Variants in KCNK12 observed in about 807,000 individuals in gnomAD.
KCNK12 encodes the protein potassium channel subfamily K member 12.
KCNK12 carries 6 observed loss-of-function variants against 25.3 expected under a neutral mutation model. That is an observed-to-expected ratio of 0.24 (90% CI 0.13 to 0.47). The LOEUF (loss-of-function observed/expected upper bound fraction) is 0.47. Ranked by LOEUF, KCNK12 falls within the 20% of genes least tolerant of loss-of-function variation. The probability of loss-of-function intolerance (pLI) is 0.99; values close to 1 mark genes in which losing one functional copy is unlikely to be tolerated. For missense variants in KCNK12, 444 were observed against 661.7 expected (o/e 0.67, Z 3.61); for synonymous variants, 331 against 311.1 (o/e 1.06, Z -0.67).
In KCNK12 at chr2:47,512,367, G is replaced by T. The variant is rs760339460; in HGVS notation, c.*8540C>A. ...TTGCTGACATGGAAAAGGAAACTTC[G>T]TGGGGGAAAGAGATCTGCTTGCAGT... On this transcript the variant is annotated 3_prime_UTR_variant, in exon 2 of 2. Transcript: ENST00000327876. 2.0e-5 allele frequency: 33 copies of T among 1,612,128 alleles called. No individual in the cohort carries two copies. The highest frequency in any genetic ancestry group is 8.9e-5 in the East Asian group (4 of 44,884).
chr2:47,517,785 T>A lies in KCNK12; in HGVS notation c.*3122A>T, dbSNP rs1668559930. The A allele has an allele frequency of 6.6e-6, 1 of 152,156 alleles. No individual in the cohort carries two copies. The highest frequency in any genetic ancestry group is 2.4e-5 in the African/African-American group (1 of 41,416). The allele number at this position is 152,156 out of a possible 1,614,324, so 9.4% of individuals were successfully genotyped here. On this transcript the variant is annotated 3_prime_UTR_variant, in exon 2 of 2. Coordinates refer to ENST00000327876, the MANE Select transcript of KCNK12 (RefSeq NM_022055.2). The surrounding 1 kb of genome is among the most constrained non-coding windows in gnomAD (Gnocchi z 4.1). ...GGACACCCAGGGTGGCTTCTTTACCTTTCTCCTCAGCTCTGAGAAGGCTGC... is the reference window on the plus strand; with the variant it reads ...GGACACCCAGGGTGGCTTCTTTACCATTCTCCTCAGCTCTGAGAAGGCTGC...
At position 47,562,267 on chromosome 2, in the gene KCNK12, A is replaced by G. The variant is rs1334476331; in HGVS notation, c.391+7674T>C. 5.0e-6 allele frequency: 2 copies of G among 396,910 alleles called. No homozygotes were observed. The highest frequency in any genetic ancestry group is 2.1e-5 in the African/African-American group (1 of 48,736). The allele number at this position is 396,910 out of a possible 1,614,324, so 24.6% of individuals were successfully genotyped here. A position where few individuals can be genotyped will look rare whatever the true frequency, so the allele number is the denominator to read the frequency against. ...CTATCCTACCTTCCTGGTCTGTAACATCTGTTGCTGTTGAGTATAAAGACA... is the reference window on the plus strand; with the variant it reads ...CTATCCTACCTTCCTGGTCTGTAACGTCTGTTGCTGTTGAGTATAAAGACA... On this transcript the variant is annotated intron_variant, in intron 1 of 1. Transcript: ENST00000327876. This position sits in a 1 kb window ranked among gnomAD's most constrained non-coding sequence, Gnocchi z 4.8.
chr2:47,535,021 G>A (rs1669031916), intron 1 of KCNK12: 1 of 227,736 alleles, frequency 4.4e-6, no homozygotes, highest in African/African-American at 2.2e-5. Flanking sequence ...AGCCACATCT[G>A]GGGGCGCTCA....
intron 1 of KCNK12, among the ~76,000 whole-genome samples, chr2:47,536,878 G>A (rs1048293138): frequency 5.9e-5 from 9 of 152,262 alleles, no homozygotes; most frequent in African/African-American, 2.2e-4. Context: ...AGGCCAAGCT[G>A]TGATTGGCCA....
rs1207179056 is a variant in KCNK12, at chr2:47,513,832, G to A, written c.*7075C>T. Among the ~76,000 whole-genome samples the A allele has an allele frequency of 6.6e-6, 1 of 152,072 alleles. No homozygotes were observed. Among genetic ancestry groups the A allele is most frequent in the African/African-American group, 2.4e-5 (1 of 41,382 alleles). ...CCCATCCAGGCAAATCATTGATTCT[G>A]TGGACCTACTCTTTCGGGTGTCCCT... On this transcript the variant is annotated 3_prime_UTR_variant, in exon 2 of 2. Coordinates refer to ENST00000327876, the MANE Select transcript of KCNK12 (RefSeq NM_022055.2).
Position 47,565,356 on chromosome 2 carries a change from G to A in KCNK12, c.391+4585C>T, listed in dbSNP as rs1370371617. ...CTTAGTTTCCTTTGTAGCAAAAAGA[G>A]TTTTAAAAATCCATGTTGAAAAAGA... On this transcript the variant is annotated intron_variant, in intron 1 of 1. Coordinates refer to ENST00000327876, the MANE Select transcript of KCNK12 (RefSeq NM_022055.2). This position sits in a 1 kb window ranked among gnomAD's most constrained non-coding sequence, Gnocchi z 5.0. 6.6e-6 allele frequency: 1 copy of A among 152,160 alleles called. No individual in the cohort carries two copies. Among genetic ancestry groups the A allele is most frequent in the African/African-American group, 2.4e-5 (1 of 41,436 alleles). The allele number at this position is 152,160 out of a possible 1,614,324, so 9.4% of individuals were successfully genotyped here. A position where few individuals can be genotyped will look rare whatever the true frequency, so the allele number is the denominator to read the frequency against.
In KCNK12 at chr2:47,519,465, T is replaced by C. The variant is rs1029839957; in HGVS notation, c.*1442A>G. 18 of 152,166 alleles carry C rather than the reference T, an allele frequency of 1.2e-4. No individual in the cohort carries two copies. The highest frequency in any genetic ancestry group is 4.1e-4 in the African/African-American group (17 of 41,414). 9.4% of individuals were successfully genotyped at this position (152,166 alleles called of 1,614,324 possible). A position where few individuals can be genotyped will look rare whatever the true frequency, so the allele number is the denominator to read the frequency against. On this transcript the variant is annotated 3_prime_UTR_variant, in exon 2 of 2. Transcript: ENST00000327876. ...GTGCCTGTATAAACTCTGGCACCTG[T>C]CCTTGCCCTCATCATATATGAGAAA...
In KCNK12 at chr2:47,521,725, G is replaced by A. The variant is rs777701419; in HGVS notation, c.475C>T (p.Leu159=). The change falls in exon 2 of 2, where the codon CTG becomes TTG. Residue 159 remains leucine (L), a synonymous_variant. Transcript: ENST00000327876. ...CGCTCCAGGAAGAGGTTGAAGAACA[G>A]GATGGTCCCAGCGCAGCCGAACAGC... is the stretch of plus-strand genomic sequence containing the variant. ...YGLFGCAGTI[L]FFNLFLERII... 3 of 1,595,106 alleles carry A rather than the reference G, an allele frequency of 1.9e-6. No individual in the cohort carries two copies. The Admixed American group carries it at 5.4e-5, about 29-fold the overall frequency.
intron 1 of KCNK12, among the ~76,000 whole-genome samples, chr2:47,558,356 C>A (rs535760113): frequency 6.6e-6 from 1 of 152,360 alleles, no homozygotes; most frequent in African/African-American, 2.4e-5. Flanking sequence ...TCTGCACTGA[C>A]ACAGGCAAGG....
At position 47,533,192 on chromosome 2, in the gene KCNK12, G is replaced by A. The variant is rs1453971757; in HGVS notation, c.392-11384C>T. On this transcript the variant is annotated intron_variant, in intron 1 of 1. Coordinates refer to ENST00000327876, the MANE Select transcript of KCNK12 (RefSeq NM_022055.2). The surrounding 1 kb of genome is among the most constrained non-coding windows in gnomAD (Gnocchi z 4.7). ...CATCTGGCTAATTTTTGTATTTTTA[G>A]TAGAGACGGGGTTTTACCATGTTGG... Among the ~76,000 whole-genome samples the A allele has an allele frequency of 1.4e-5, 2 of 144,850 alleles. No homozygotes were observed. The highest frequency in any genetic ancestry group is 4.3e-4 in the East Asian group (2 of 4,674).
chr2:47,513,669 A>G lies in KCNK12; in HGVS notation c.*7238T>C, dbSNP rs376181893. ...TTATCTCATGGGTCCCTGAAGTCCA[A>G]CTTCTCCTTCATTGAACTCATCACC... On this transcript the variant is annotated 3_prime_UTR_variant, in exon 2 of 2. Transcript: ENST00000327876. Among the ~76,000 whole-genome samples the G allele has an allele frequency of 2.0e-5, 3 of 151,790 alleles. No individual in the cohort carries two copies. Among genetic ancestry groups the G allele is most frequent in the East Asian group, 3.9e-4 (2 of 5,164 alleles).
rs1669684858 is a variant in KCNK12, at chr2:47,562,085, C to T, written c.391+7856G>A. ...CTGACTCACCGCTGTTCTCTCTACC[C>T]TAGCGACTCCAAGTGCATCAGCATA... On this transcript the variant is annotated intron_variant, in intron 1 of 1. Transcript: ENST00000327876. This position sits in a 1 kb window ranked among gnomAD's most constrained non-coding sequence, Gnocchi z 4.8. 1 of 398,638 alleles carries T rather than the reference C, an allele frequency of 2.5e-6. No individual in the cohort carries two copies. Among genetic ancestry groups the T allele is most frequent in the Non-Finnish European group, 4.4e-6 (1 of 226,102 alleles). 24.7% of individuals were successfully genotyped at this position (398,638 alleles called of 1,614,324 possible). A position where few individuals can be genotyped will look rare whatever the true frequency, so the allele number is the denominator to read the frequency against.
intron 1 of KCNK12, among the ~76,000 whole-genome samples, chr2:47,524,662 ATGTTTT>A (rs1419972477): frequency 6.6e-6 from 1 of 152,128 alleles, no homozygotes; most frequent in African/African-American, 2.4e-5. Context: ...GGTGCTAGAA[ATGTTTT>A]TGTTGACCTG....
intron 1 of KCNK12, among the ~76,000 whole-genome samples, chr2:47,554,276 T>C (rs1015769100): frequency 2.0e-5 from 3 of 152,286 alleles, no homozygotes; most frequent in Admixed American, 6.5e-5. Flanking sequence ...AACACGTTAT[T>C]TGCTCATGAA....
At position 47,511,591 on chromosome 2, in the gene KCNK12, G is replaced by A. The variant is rs188119249; in HGVS notation, c.*9316C>T. Among the ~76,000 whole-genome samples, 294 of 152,314 alleles carry A rather than the reference G, an allele frequency of 1.9e-3. No individual in the cohort carries two copies. Among genetic ancestry groups the A allele is most frequent in the African/African-American group, 6.8e-3 (283 of 41,556 alleles). The stretch of plus-strand genomic sequence containing the variant: ...GGGTAACCAAATGCTTTTGCCCTGG[G>A]GGTGGGAGAGGGATGGGTGCACGGT... On this transcript the variant is annotated 3_prime_UTR_variant, in exon 2 of 2. Coordinates refer to ENST00000327876, the MANE Select transcript of KCNK12 (RefSeq NM_022055.2). This position sits in a 1 kb window ranked among gnomAD's most constrained non-coding sequence, Gnocchi z 4.3.
intron 1 of KCNK12, among the ~76,000 whole-genome samples, chr2:47,558,134 G>A (rs552701106): frequency 1.3e-5 from 2 of 152,370 alleles, no homozygotes; most frequent in Non-Finnish European, 2.9e-5. Flanking sequence ...AAATATTTCT[G>A]TAGCCCCTCC....
rs923254639 is a variant in KCNK12 at position 47,520,931 on chromosome 2, C to T, written c.1269G>A (p.Leu423=). 6.3e-6 allele frequency: 8 copies of T among 1,272,000 alleles called. No individual in the cohort carries two copies. The highest frequency in any genetic ancestry group is 6.2e-5 in the African/African-American group (4 of 64,798). 78.8% of individuals were successfully genotyped at this position (1,272,000 alleles called of 1,614,324 possible). ...VGALGIMNNR[L]AETSASR ...TCTACCTGGAGGCGCTGGTCTCGGC[C>T]AGCCGGTTGTTCATGATGCCCAGCG... The change falls in exon 2 of 2, where the codon CTG becomes CTA. Residue 423 remains leucine, a synonymous_variant. Transcript: ENST00000327876. This position sits in a 1 kb window ranked among gnomAD's most constrained non-coding sequence, Gnocchi z 5.0.
intron 1 of KCNK12, among the ~76,000 whole-genome samples, chr2:47,522,805 A>G (rs1301580512): frequency 6.6e-6 from 1 of 152,218 alleles, no homozygotes; most frequent in East Asian, 1.9e-4. Context: ...TTTCAAATCA[A>G]TTCCCAGATG....
chr2:47,536,812 G>A (rs1432790426), intron 1 of KCNK12, among the ~76,000 whole-genome samples: 1 of 152,252 alleles, frequency 6.6e-6, no homozygotes, highest in Non-Finnish European at 1.5e-5. Context: ...AAGAGCGGAA[G>A]TACTTCTATG....
Sources: gnomAD v4.1 joint callset for allele counts (sites outside exome capture counted in the v4.1 genomes callset) on GRCh38, gnomAD v4.1.1 for gene constraint, Gnocchi (gnomAD v3.1) non-coding constraint, MANE v1.5 for transcripts, NCBI Gene and HGNC (gene_info 2026-07-23, HGNC 2026-07-21) for gene names.